CADM2: variants seen among roughly 807,000 people sequenced by gnomAD.
The protein encoded by CADM2 is immunoglobulin superfamily member 4D.
In CADM2, 12 loss-of-function variants were observed where a neutral mutation model predicts 49.8. The observed-to-expected ratio is 0.24, with a 90% CI of 0.15 to 0.39. The LOEUF (loss-of-function observed/expected upper bound fraction) is 0.39, where lower values mean the gene tolerates loss of function less well. Ranked by LOEUF, CADM2 falls within the 10% of genes least tolerant of loss-of-function variation. The pLI is 1.00. For missense variants in CADM2, 378 were observed against 492.3 expected (o/e 0.77, Z 2.20); for synonymous variants, 214 against 175.4 (o/e 1.22, Z -1.74).
chr3:85,980,999 G>T (rs1287352247), intron 8 of CADM2, among the ~76,000 whole-genome samples: 1 of 151,320 alleles, frequency 6.6e-6, no homozygotes, highest in Non-Finnish European at 1.5e-5. Flanking sequence ...AAAATCACTA[G>T]CAATCAAATG....
chr3:85,851,321 G>C (rs1360225008), intron 3 of CADM2, among the ~76,000 whole-genome samples: 4 of 151,800 alleles, frequency 2.6e-5, no homozygotes, highest in Non-Finnish European at 1.5e-5. Flanking sequence ...TGAATTCTCT[G>C]TCAGAGTGAT....
intron 5 of CADM2, among the ~76,000 whole-genome samples, chr3:85,906,010 A>G (rs1469289540): frequency 6.6e-6 from 1 of 152,176 alleles, no homozygotes; most frequent in Non-Finnish European, 1.5e-5. Flanking sequence ...AAATAGTTTG[A>G]TTACCAGAAA....
chr3:85,413,677 A>C (rs918367955), intron 1 of CADM2, among the ~76,000 whole-genome samples: 1 of 152,140 alleles, frequency 6.6e-6, no homozygotes, highest in African/African-American at 2.4e-5. Flanking sequence ...CTCACACACT[A>C]TCACAAGAGC....
chr3:85,081,986 T>A (rs552347115), intron 1 of CADM2, among the ~76,000 whole-genome samples: 1 of 152,292 alleles, frequency 6.6e-6, no homozygotes, highest in South Asian at 2.1e-4. Context: ...CTTTCATAAA[T>A]ATCACCTCAT....
intron 1 of CADM2, among the ~76,000 whole-genome samples, chr3:85,071,613 C>T (rs1175178434): frequency 2.0e-5 from 3 of 151,954 alleles, no homozygotes; most frequent in African/African-American, 7.3e-5. Context: ...GAGTTTGTTT[C>T]ATTGTGATGA....
At chr3:85,943,963 A>G (rs1310214575) in intron 7 of CADM2, among the ~76,000 whole-genome samples, 1 of 152,064 alleles carries the variant, frequency 6.6e-6, no homozygotes, top group African/African-American at 2.4e-5. Flanking sequence ...CTCTAATTAA[A>G]ATACACACAC....
intron 6 of CADM2, among the ~76,000 whole-genome samples, chr3:85,926,062 G>T (rs967295431): frequency 6.6e-6 from 1 of 151,714 alleles, no homozygotes; most frequent in Non-Finnish European, 1.5e-5. Flanking sequence ...GCATGAACCC[G>T]GGAGGAGGAG....
chr3:85,592,527 G>A (rs991655170), intron 1 of CADM2, among the ~76,000 whole-genome samples: 2 of 151,966 alleles, frequency 1.3e-5, no homozygotes, highest in African/African-American at 2.4e-5. Flanking sequence ...TCATAGGTTA[G>A]AGGATGGAAT....
At chr3:85,336,032 G>C (rs1195237888) in intron 1 of CADM2, among the ~76,000 whole-genome samples, 1 of 151,388 alleles carries the variant, frequency 6.6e-6, no homozygotes, top group Non-Finnish European at 1.5e-5. Flanking sequence ...TTGGTCCTGT[G>C]AACCCCCTGC....
At chr3:85,588,130 T>C (rs1057136224) in intron 1 of CADM2, among the ~76,000 whole-genome samples, 4 of 152,094 alleles carry the variant, frequency 2.6e-5, no homozygotes, top group African/African-American at 9.6e-5. Flanking sequence ...AAATAATTTG[T>C]CACAGAAAAT....
chr3:85,676,481 C>T (rs540941649), intron 1 of CADM2, among the ~76,000 whole-genome samples: 19 of 151,798 alleles, frequency 1.3e-4, no homozygotes, highest in Non-Finnish European at 2.1e-4. Context: ...TGTATCTTAA[C>T]TTACCTGCTT....
chr3:85,771,235 A>G (rs2107952452), intron 2 of CADM2, among the ~76,000 whole-genome samples: 1 of 152,312 alleles, frequency 6.6e-6, no homozygotes, highest in African/African-American at 2.4e-5. Context: ...ATCATATTAG[A>G]ATAACAGGAT....
intron 1 of CADM2, among the ~76,000 whole-genome samples, chr3:85,189,062 A>AAAT (rs1553693249): frequency 9.0e-4 from 131 of 145,572 alleles, no homozygotes; most frequent in Middle Eastern, 3.6e-3. Context: ...ATAAATAAAT[A>AAAT]AAATAAATAA....
chr3:85,228,381 C>A (rs368023830), intron 1 of CADM2, among the ~76,000 whole-genome samples: 3 of 151,832 alleles, frequency 2.0e-5, no homozygotes, highest in African/African-American at 7.3e-5. Flanking sequence ...AGTTAATCTT[C>A]AGTCACTGAT....
At chr3:85,114,622 T>C (rs2038577111) in intron 1 of CADM2, among the ~76,000 whole-genome samples, 1 of 152,170 alleles carries the variant, frequency 6.6e-6, no homozygotes, top group African/African-American at 2.4e-5. Context: ...GTGCTTGTTG[T>C]CATTAATTGG....
At chr3:85,871,234 T>C (rs2075914957) in intron 3 of CADM2, among the ~76,000 whole-genome samples, 1 of 152,042 alleles carries the variant, frequency 6.6e-6, no homozygotes, top group Non-Finnish European at 1.5e-5. Context: ...GAACAGACAG[T>C]TTTCAAAATA....
intron 1 of CADM2, among the ~76,000 whole-genome samples, chr3:85,518,792 G>C (rs1342275169): frequency 6.6e-6 from 1 of 152,050 alleles, no homozygotes; most frequent in African/African-American, 2.4e-5. Context: ...GGCATTTAAG[G>C]CCTACCCAGA....
At chr3:85,456,527 T>G (rs1040634181) in intron 1 of CADM2, among the ~76,000 whole-genome samples, 1 of 152,226 alleles carries the variant, frequency 6.6e-6, no homozygotes, top group Admixed American at 6.5e-5. Flanking sequence ...TATTATTTGT[T>G]ATATGTTATA....
intron 1 of CADM2, among the ~76,000 whole-genome samples, chr3:84,973,551 A>G (rs1311515309): frequency 3.3e-5 from 5 of 152,174 alleles, no homozygotes; most frequent in African/African-American, 1.2e-4. Flanking sequence ...TTAATTTCAT[A>G]AAGACTCAGT....
Sources: allele counts gnomAD v4.1 joint callset (sites outside exome capture counted in the v4.1 genomes callset), GRCh38; gene constraint gnomAD v4.1.1; transcripts MANE v1.5; gene names NCBI Gene and HGNC (gene_info 2026-07-23, HGNC 2026-07-21).